Variants in CCT5 observed in about 807,000 individuals in gnomAD.
The protein encoded by CCT5 is chaperonin containing TCP1 subunit 5, also known as T-complex protein 1 subunit epsilon.
In CCT5, 6 loss-of-function variants were observed where a neutral mutation model predicts 55.0. The observed-to-expected ratio is 0.11, with a 90% confidence interval of 0.06 to 0.22. The LOEUF is 0.22. CCT5 is among the 10% of genes least tolerant of loss of function. The pLI, the probability that CCT5 is intolerant of heterozygous loss-of-function variation, is 1.00. For missense variants in CCT5, 560 were observed against 694.6 expected (o/e 0.81, Z 2.18); for synonymous variants, 231 against 243.7 (o/e 0.95, Z 0.49).
chr5:10,255,964 G>A lies in CCT5; in HGVS notation c.341G>A (p.Gly114Asp). The A allele has an allele frequency of 6.2e-7, 1 of 1,614,140 alleles. No homozygotes were observed. Among genetic ancestry groups the A allele is most frequent in the Non-Finnish European group, 8.5e-7 (1 of 1,179,988 alleles). Residue 114 changes from glycine to aspartate, a missense_variant, in exon 4 of 11, where the codon GGT (glycine) becomes GAT (aspartate). Physicochemically the swap from Gly to Asp is moderately conservative, Grantham distance 94. Transcript: ENST00000280326. ...GCTGGCTTATTTGCAGTCCTGGCTG[G>A]TGCCTTGTTAGAAGAAGCGGAGCAA... is the stretch of plus-strand genomic sequence containing the variant. Reference protein sequence around the residue: ...DGTTGVVVLAGALLEEAEQLL... With the variant: ...DGTTGVVVLADALLEEAEQLL...
chr5:10,250,556 C>T, intron 1 of CCT5, 111 bp downstream of exon 1: 1 of 1,528,884 alleles, frequency 6.5e-7, no homozygotes, highest in Non-Finnish European at 8.8e-7. Context: ...CCGGAAAGGT[C>T]GAGAATCTCC....
At chr5:10,260,469 C>T (rs1053287380) in intron 6 of CCT5, among the ~76,000 whole-genome samples, 16 of 152,166 alleles carry the variant, frequency 1.1e-4, no homozygotes, top group African/African-American at 2.4e-5. Context: ...TAGCCATTTC[C>T]CCATGGTTGG....
At chr5:10,261,831 C>CTCTTGCCTAAAAGGTAT in intron 8 of CCT5, 86 bp downstream of exon 8, 1 of 1,013,452 alleles carries the variant, frequency 9.9e-7, no homozygotes, top group Non-Finnish European at 1.6e-6. Context: ...AACAGAGACA[C>CTCTTGCCTAAAAGGTAT]AGTCACCATA....
intron 10 of CCT5, 34 bp from the exon 11 acceptor site, chr5:10,264,622 A>G: frequency 2.2e-6 from 3 of 1,341,882 alleles, no homozygotes; most frequent in South Asian, 1.2e-5. Context: ...ATTGTATGCT[A>G]TTTTAGGATA....
chr5:10,258,019 T>G, intron 4 of CCT5, 92 bp from the exon 5 acceptor site: 3 of 1,295,820 alleles, frequency 2.3e-6, no homozygotes, highest in Non-Finnish European at 3.3e-6. Flanking sequence ...CATCGTTTGA[T>G]TTATATCTTT....
intron 6 of CCT5, among the ~76,000 whole-genome samples, chr5:10,259,112 C>CT (rs1473441612): frequency 3.3e-5 from 5 of 152,216 alleles, no homozygotes; most frequent in Non-Finnish European, 2.9e-5. Context: ...CTTACCTTGC[C>CT]TTTAAGATTT....
intron 3 of CCT5, 151 bp from the exon 4 acceptor site, chr5:10,255,804 T>C: frequency 1.4e-6 from 1 of 711,866 alleles, no homozygotes; most frequent in Non-Finnish European, 2.4e-6. Context: ...GAGGCTTTCT[T>C]TTAAAAATAG....
chr5:10,262,380 A>G (rs1249854926), intron 8 of CCT5, 101 bp from the exon 9 acceptor site: 5 of 1,285,400 alleles, frequency 3.9e-6, no homozygotes, highest in Non-Finnish European at 2.3e-6. Flanking sequence ...CCATCTAAAT[A>G]TTAGAGCACA....
At chr5:10,258,994 A>G (rs761609822) in intron 6 of CCT5, among the ~76,000 whole-genome samples, 7 of 152,152 alleles carry the variant, frequency 4.6e-5, no homozygotes, top group East Asian at 1.9e-4. Context: ...CTCTGTCTCA[A>G]AAAAAATGGT....
intron 4 of CCT5, 72 bp downstream of exon 4, chr5:10,256,225 C>T: frequency 3.2e-6 from 4 of 1,240,438 alleles, no homozygotes; most frequent in Non-Finnish European, 3.5e-6. Context: ...TTAAAGGCAA[C>T]ACAAAATGAC....
intron 1 of CCT5, among the ~76,000 whole-genome samples, chr5:10,252,946 C>T (rs1315122697): frequency 1.3e-5 from 2 of 151,640 alleles, no homozygotes; most frequent in South Asian, 4.1e-4. Flanking sequence ...AATAATAATT[C>T]TATTACTCAA....
At chr5:10,249,931 A>AG, upstream of CCT5, 25 of 649,754 alleles carry the variant, frequency 3.8e-5, no homozygotes, top group South Asian at 2.7e-4. Context: ...AAAAAAAAAA[A>AG]AAACCGGAAA....
At chr5:10,263,457 A>G in intron 10 of CCT5, 143 bp downstream of exon 10, 1 of 748,090 alleles carries the variant, frequency 1.3e-6, no homozygotes, top group South Asian at 1.7e-5. Flanking sequence ...GAATTTTAGA[A>G]TGTTTGATTG....
intron 7 of CCT5, among the ~76,000 whole-genome samples, chr5:10,261,359 C>T (rs1745951654): frequency 6.6e-6 from 1 of 152,140 alleles, no homozygotes; most frequent in Admixed American, 6.6e-5. Context: ...AGCACCAAAG[C>T]CCCAATCAAG....
intron 1 of CCT5, among the ~76,000 whole-genome samples, 179 bp from the exon 2 acceptor site, chr5:10,253,966 C>T (rs1745552193): frequency 6.6e-6 from 1 of 152,156 alleles, no homozygotes; most frequent in South Asian, 2.1e-4. Flanking sequence ...GTAAGAATTG[C>T]TTATTAAAAC....
At chr5:10,251,498 A>G (rs1017785608) in intron 1 of CCT5, among the ~76,000 whole-genome samples, 4 of 152,148 alleles carry the variant, frequency 2.6e-5, no homozygotes, top group African/African-American at 9.7e-5. Context: ...AGACCATTCC[A>G]CTAGGTCTCT....
intron 4 of CCT5, among the ~76,000 whole-genome samples, chr5:10,256,401 T>C (rs1240720646): frequency 6.6e-6 from 1 of 152,244 alleles, no homozygotes; most frequent in Admixed American, 6.5e-5. Flanking sequence ...GTTATTTTAA[T>C]TTAGCAGAAT....
rs1384298638 is a variant in CCT5, at chr5:10,264,918, GT to G, written c.*136del. 3.5e-6 allele frequency: 4 copies of G among 1,155,304 alleles called. No individual in the cohort carries two copies. The African/African-American group carries it at 4.5e-5, about 13-fold the overall frequency. The allele number at this position is 1,155,304 out of a possible 1,614,324, so 71.6% of individuals were successfully genotyped here. On this transcript the variant is annotated 3_prime_UTR_variant, in exon 11 of 11. Coordinates refer to ENST00000280326, the MANE Select transcript of CCT5 (RefSeq NM_012073.5). ...ATGCTATAATAAAAATAGCTGTTTGGTAACCATAGTTTCACTTGTTCAAAGC... is the reference window on the plus strand; with the variant it reads ...ATGCTATAATAAAAATAGCTGTTTGGAACCATAGTTTCACTTGTTCAAAGC...
chr5:10,256,060 A>T lies in CCT5; in HGVS notation c.437A>T (p.Glu146Val), dbSNP rs11557652. ...GAGCAGGCTGCTCGTGTTGCTATTG[A>T]ACACCTGGACAAGATCAGCGATAGC... ...GYEQAARVAI[E>V]HLDKISDSVL... Residue 146 changes from glutamate (E) to valine (V), a missense_variant, in exon 4 of 11, where the codon GAA (glutamate) becomes GTA (valine). Glu to Val is a moderately radical substitution (Grantham distance 121, BLOSUM62 -2). This residue lies in a region of CCT5 where 52 missense variants were observed against 35.3 expected (regional missense o/e 1.47). Transcript: ENST00000280326. 35,320 of 1,614,140 alleles carry T rather than the reference A, an allele frequency of 0.022. 469 individuals carry two copies. Among genetic ancestry groups the T allele is most frequent in the South Asian group, 0.047 (4,265 of 91,082 alleles).
Sources: allele counts gnomAD v4.1 joint callset (sites outside exome capture counted in the v4.1 genomes callset), GRCh38; gene constraint gnomAD v4.1.1; regional missense constraint gnomAD v4.1.1; transcripts MANE v1.5; gene names NCBI Gene and HGNC (gene_info 2026-07-23, HGNC 2026-07-21).